PRSS23: variants seen among roughly 807,000 people sequenced by gnomAD.
The protein encoded by PRSS23 is serine protease 23.
A neutral mutation model predicts 34.7 loss-of-function variants in PRSS23; 25 were observed. That is an observed-to-expected ratio of 0.72 (90% CI 0.53 to 1.01). The LOEUF (loss-of-function observed/expected upper bound fraction) is 1.01, where lower values mean the gene tolerates loss of function less well. Ranked by LOEUF, PRSS23 falls within the 50% of genes least tolerant of loss-of-function variation. The pLI is 0.00. For synonymous variants in PRSS23, 176 were observed against 186.6 expected (o/e 0.94, Z 0.46); for missense variants, 445 against 475.6 (o/e 0.94, Z 0.60).
chr11:86,794,518 CT>C (rs978552657), intron 1 of PRSS23, among the ~76,000 whole-genome samples: 1 of 152,124 alleles, frequency 6.6e-6, no homozygotes, highest in Non-Finnish European at 1.5e-5. Context: ...CTGTGCAGCT[CT>C]TTTTTTCCTA....
intron 2 of PRSS23, among the ~76,000 whole-genome samples, chr11:86,839,494 A>G (rs183425346): frequency 1.2e-3 from 187 of 152,320 alleles, no homozygotes; most frequent in Non-Finnish European, 1.7e-3. Context: ...CCTCAAAGTG[A>G]TAGGGAGAAT....
At chr11:86,887,715 G>C (rs1480740008) in intron 2 of PRSS23, among the ~76,000 whole-genome samples, 2 of 152,126 alleles carry the variant, frequency 1.3e-5, no homozygotes, top group Admixed American at 1.3e-4. Flanking sequence ...GTAGGGGTGG[G>C]AGGGAAGAGA....
chr11:86,879,892 C>T (rs1297496069), intron 2 of PRSS23, among the ~76,000 whole-genome samples: 8 of 150,530 alleles, frequency 5.3e-5, no homozygotes, highest in African/African-American at 1.7e-4. Context: ...CCGGCCGCCC[C>T]TACTGGGAAG....
At chr11:86,951,779 G>C in exon 3 of PRSS23, 1 of 1,614,096 alleles carries the variant, frequency 6.2e-7, no homozygotes, top group Non-Finnish European at 8.5e-7. Flanking sequence ...CAAAAACCAA[G>C]TGAGTGTCAG....
chr11:86,841,357 A>T (rs1289338961), intron 2 of PRSS23, among the ~76,000 whole-genome samples: 4 of 126,416 alleles, frequency 3.2e-5, no homozygotes, highest in Non-Finnish European at 6.8e-5. Context: ...AAAAAAGAAG[A>T]AGAAAAAAAA....
intron 2 of PRSS23, among the ~76,000 whole-genome samples, chr11:86,890,189 G>A (rs1322970694): frequency 6.6e-6 from 1 of 151,958 alleles, no homozygotes; most frequent in Non-Finnish European, 1.5e-5. Context: ...AGAATCCTTT[G>A]AACCTGGGAG....
intron 2 of PRSS23, among the ~76,000 whole-genome samples, chr11:86,830,817 C>A (rs11234823): frequency 6.6e-6 from 1 of 151,936 alleles, no homozygotes; most frequent in African/African-American, 2.4e-5. Flanking sequence ...GGGTGTACAC[C>A]CTGTGATATT....
chr11:86,864,200 G>A (rs1311410823), intron 2 of PRSS23, among the ~76,000 whole-genome samples: 1 of 151,410 alleles, frequency 6.6e-6, no homozygotes, highest in Non-Finnish European at 1.5e-5. Flanking sequence ...TATAGCCCAT[G>A]ATGGTGATTA....
chr11:86,873,807 C>T (rs186462188), intron 2 of PRSS23, among the ~76,000 whole-genome samples: 5 of 152,190 alleles, frequency 3.3e-5, no homozygotes, highest in Non-Finnish European at 7.4e-5. Context: ...AATGAACGGA[C>T]GGAACATGAG....
intron 2 of PRSS23, among the ~76,000 whole-genome samples, chr11:86,879,757 G>A (rs376616229): frequency 0.37 from 33,975 of 92,724 alleles, 6,169 homozygotes; most frequent in African/African-American, 0.52. Flanking sequence ...CAGCCGCCCC[G>A]TCCGGGAGGG....
Position 86,905,427 on chromosome 11 carries a change from C to G in PRSS23, c.207-45789C>G, listed in dbSNP as rs114029930. On this transcript the variant is annotated intron_variant, in intron 2 of 2. Transcript: ENST00000533902. ...CACATCATTGATACTCTTGCTCTAG[C>G]CTCTTCAGGAGGTGGAGAGTCATAT... 5.9e-3 allele frequency among the ~76,000 whole-genome samples: 899 copies of G among 152,268 alleles called. 12 individuals are homozygous for G. Among genetic ancestry groups the G allele is most frequent in the African/African-American group, 0.021 (861 of 41,532 alleles).
rs562105643 is a variant in PRSS23 at position 86,834,313 on chromosome 11, G to A, written c.206+10720G>A. 1.8e-3 allele frequency among the ~76,000 whole-genome samples: 275 copies of A among 152,138 alleles called. 2 individuals carry two copies. The highest frequency in any genetic ancestry group is 6.4e-3 in the African/African-American group (267 of 41,508). On this transcript the variant is annotated intron_variant, in intron 2 of 2. Transcript: ENST00000533902. Reference sequence around the variant, plus strand: ...CAGGCAAAAGTATTTTTCCTTCTTCGGTGGCTAGTCATCCTGAGGGGAGGA... The same window carrying A: ...CAGGCAAAAGTATTTTTCCTTCTTCAGTGGCTAGTCATCCTGAGGGGAGGA...
chr11:86,866,967 AG>A (rs1489981665), intron 2 of PRSS23, among the ~76,000 whole-genome samples: 2 of 152,202 alleles, frequency 1.3e-5, no homozygotes, highest in African/African-American at 4.8e-5. Flanking sequence ...GAGCCAAGTA[AG>A]GCCTTTTCCT....
intron 2 of PRSS23, among the ~76,000 whole-genome samples, chr11:86,834,506 TTTTCC>T (rs1225362851): frequency 0.017 from 1,901 of 114,830 alleles, 141 homozygotes; most frequent in Admixed American, 0.064. Context: ...TTCCCTTCTA[TTTTCC>T]TTTCCTTTCC....
rs147860693 is a variant in PRSS23, at chr11:86,923,150, C to T, written c.207-28066C>T. Among the ~76,000 whole-genome samples, 964 of 134,606 alleles carry T rather than the reference C, an allele frequency of 7.2e-3. 20 individuals are homozygous for T. Among genetic ancestry groups the T allele is most frequent in the African/African-American group, 0.026 (899 of 35,238 alleles). The allele number at this position is 134,606 out of a possible 152,430, so 88.3% of individuals were successfully genotyped here. ...CTACTTTTTTTTTTTTTTTTTGAGA[C>T]GGGGTCTCTGTCGCCCAGGCTGGAG... On this transcript the variant is annotated intron_variant, in intron 2 of 2. Coordinates refer to the PRSS23 transcript ENST00000533902.
intron 2 of PRSS23, among the ~76,000 whole-genome samples, chr11:86,896,832 C>G (rs117763938): frequency 0.015 from 2,321 of 152,346 alleles, 17 homozygotes; most frequent in Middle Eastern, 0.024. Context: ...TCATAACATG[C>G]TAACACTTTC....
At chr11:86,910,234 A>G (rs1478356707) in intron 2 of PRSS23, 2 of 152,222 alleles carry the variant, frequency 1.3e-5, no homozygotes, top group Non-Finnish European at 2.9e-5. Flanking sequence ...ACAATATTTC[A>G]TCAGGAGATA....
chr11:86,929,757 C>T (rs1407996268), intron 2 of PRSS23, among the ~76,000 whole-genome samples: 8 of 152,146 alleles, frequency 5.3e-5, no homozygotes, highest in Non-Finnish European at 1.5e-5. Context: ...GTTATCATTG[C>T]GGCATTGTTT....
At chr11:86,834,824 C>G (rs962691906) in intron 2 of PRSS23, among the ~76,000 whole-genome samples, 2 of 152,132 alleles carry the variant, frequency 1.3e-5, no homozygotes, top group Non-Finnish European at 2.9e-5. Flanking sequence ...AATTCTAGTG[C>G]CCGAGTAAGG....
Sources: gnomAD v4.1 joint callset for allele counts (sites outside exome capture counted in the v4.1 genomes callset) on GRCh38, gnomAD v4.1.1 for gene constraint, MANE v1.5 for transcripts, NCBI Gene and HGNC (gene_info 2026-07-23, HGNC 2026-07-21) for gene names.